Variants in NFAT5 observed in about 807,000 individuals in gnomAD.
NFAT5 encodes nuclear factor of activated T cells 5, also known as nuclear factor of activated T-cells 5.
In NFAT5, 31 loss-of-function variants were observed where a neutral mutation model predicts 166.5. The observed-to-expected ratio is 0.19, with a 90% CI of 0.14 to 0.25. NFAT5 has a LOEUF of 0.25. Ranked by LOEUF, NFAT5 falls within the 10% of genes least tolerant of loss-of-function variation. The pLI is 1.00. For missense variants in NFAT5, 1,449 were observed against 1,821.8 expected (o/e 0.80, Z 3.72); for synonymous variants, 612 against 639.7 (o/e 0.96, Z 0.65).
chr16:69,672,870 A>G (rs1390174340), intron 9 of NFAT5, among the ~76,000 whole-genome samples: 7 of 152,218 alleles, frequency 4.6e-5, no homozygotes, highest in Admixed American at 4.6e-4. Flanking sequence ...ATTGATAGAT[A>G]AGGAGACTAT....
chr16:69,648,176 CAAAA>C, intron 4 of NFAT5: 1 of 709,656 alleles, frequency 1.4e-6, no homozygotes, highest in Non-Finnish European at 1.6e-6. Flanking sequence ...AACTCCATCT[CAAAA>C]AAAAAAAAAC....
intron 10 of NFAT5, among the ~76,000 whole-genome samples, chr16:69,682,632 G>T (rs945093045): frequency 6.6e-6 from 1 of 151,860 alleles, no homozygotes; most frequent in Non-Finnish European, 1.5e-5. Flanking sequence ...AAAATAATAA[G>T]AAGAATTTAA....
intron 3 of NFAT5, 130 bp downstream of exon 3, chr16:69,626,658 T>G: frequency 1.4e-6 from 1 of 694,378 alleles, no homozygotes; most frequent in Non-Finnish European, 2.1e-6. Flanking sequence ...CATTAAAATA[T>G]GTACTTTTAA....
At position 69,590,330 on chromosome 16, in the gene NFAT5, G is replaced by A. The variant is rs917516252; in HGVS notation, c.127+21782G>A. On this transcript the variant is annotated intron_variant, in intron 2 of 14. Coordinates refer to ENST00000349945, the MANE Select transcript of NFAT5 (RefSeq NM_138713.4). ...GTTTTAGACAATTTTGCTATGGTATGCAACAAAGTTATTTCCAAATACTTT... is the reference window on the plus strand; with the variant it reads ...GTTTTAGACAATTTTGCTATGGTATACAACAAAGTTATTTCCAAATACTTT... 5.1e-4 allele frequency among the ~76,000 whole-genome samples: 77 copies of A among 152,154 alleles called. 4 individuals are homozygous for A.
rs1023944916 is a variant in NFAT5 at position 69,680,443 on chromosome 16, T to C, written c.1690+3108T>C. Among the ~76,000 whole-genome samples, 5 of 152,174 alleles carry C rather than the reference T, an allele frequency of 3.3e-5. No homozygotes were observed. In the East Asian group the frequency reaches 9.6e-4, roughly 29 times the overall value. On this transcript the variant is annotated intron_variant, in intron 10 of 14. Coordinates refer to ENST00000349945, the MANE Select transcript of NFAT5 (RefSeq NM_138713.4). ...ATCAACACTAAGAATCATCATTTCT[T>C]AGTGATAAATGCTAATTATTAGAAA... is the stretch of plus-strand genomic sequence containing the variant.
intron 10 of NFAT5, among the ~76,000 whole-genome samples, chr16:69,680,127 A>G (rs1472421204): frequency 6.6e-6 from 1 of 152,214 alleles, no homozygotes; most frequent in Non-Finnish European, 1.5e-5. Flanking sequence ...CAAAAGAAAA[A>G]GGAAAGAAAA....
At chr16:69,684,064 A>T (rs139969860) in intron 10 of NFAT5, among the ~76,000 whole-genome samples, 9,201 of 151,774 alleles carry the variant, frequency 0.061, 312 homozygotes, top group Middle Eastern at 0.11. Context: ...GCGCCATTGC[A>T]CTCCAGCCTG....
At chr16:69,618,873 A>G (rs1222708296) in intron 2 of NFAT5, among the ~76,000 whole-genome samples, 2 of 152,206 alleles carry the variant, frequency 1.3e-5, no homozygotes, top group East Asian at 3.8e-4. Context: ...TGTTGTGAGC[A>G]TTAGTTTACT....
chr16:69,664,353 C>T (rs977901113), intron 7 of NFAT5, among the ~76,000 whole-genome samples: 10 of 152,088 alleles, frequency 6.6e-5, no homozygotes, highest in African/African-American at 1.7e-4. Flanking sequence ...GTGGCGATCC[C>T]GGCTCACTGC....
At chr16:69,580,848 G>GGTT (rs1360600809) in intron 2 of NFAT5, among the ~76,000 whole-genome samples, 11 of 151,896 alleles carry the variant, frequency 7.2e-5, no homozygotes, top group Admixed American at 4.6e-4. Flanking sequence ...GTAGAGACAG[G>GGTT]GTTTCACCAT....
chr16:69,675,509 T>C (rs2036796268), intron 9 of NFAT5, among the ~76,000 whole-genome samples: 2 of 152,254 alleles, frequency 1.3e-5, no homozygotes, highest in African/African-American at 4.8e-5. Flanking sequence ...AGCTCCTGCC[T>C]TATAACTGTG....
chr16:69,571,711 G>GTTTT (rs1567508393), intron 2 of NFAT5, among the ~76,000 whole-genome samples: 3 of 142,464 alleles, frequency 2.1e-5, no homozygotes, highest in Non-Finnish European at 3.1e-5. Flanking sequence ...TTTTTTTTGG[G>GTTTT]GGGAAACAAG....
intron 2 of NFAT5, among the ~76,000 whole-genome samples, chr16:69,579,735 A>C (rs537269322): frequency 6.6e-6 from 1 of 152,328 alleles, no homozygotes; most frequent in South Asian, 2.1e-4. Context: ...AAAATGGTAA[A>C]GATGATAATA....
Position 69,653,382 on chromosome 16 carries a change from G to A in NFAT5, c.959G>A (p.Arg320His). 1.2e-6 allele frequency: 2 copies of A among 1,605,406 alleles called. No individual in the cohort carries two copies. The highest frequency in any genetic ancestry group is 2.2e-5 in the East Asian group (1 of 44,610). The change falls in exon 5 of 15, where the codon CGT becomes CAT. Residue 320 changes from arginine (R) to histidine (H), a missense_variant. Coordinates refer to ENST00000349945, the MANE Select transcript of NFAT5 (RefSeq NM_138713.4). ...HRARYLTEGS[R>H]GSVKDRTQQG... ...GCTCGGTACCTGACTGAGGGCAGCC[G>A]TGGCTCAGTGAAAGATAGAACACAG... is the stretch of plus-strand genomic sequence containing the variant.
At chr16:69,578,265 G>A (rs1321193344) in intron 2 of NFAT5, among the ~76,000 whole-genome samples, 3 of 152,116 alleles carry the variant, frequency 2.0e-5, no homozygotes, top group Non-Finnish European at 4.4e-5. Flanking sequence ...ACTGTACTCC[G>A]ATATATAGTT....
chr16:69,573,812 TG>T (rs1428043820), intron 2 of NFAT5, among the ~76,000 whole-genome samples: 1 of 151,774 alleles, frequency 6.6e-6, no homozygotes, highest in Non-Finnish European at 1.5e-5. Flanking sequence ...AATTTCAAAG[TG>T]GTAGTACAGA....
At chr16:69,604,581 T>A (rs963127456) in intron 2 of NFAT5, among the ~76,000 whole-genome samples, 3 of 152,196 alleles carry the variant, frequency 2.0e-5, no homozygotes, top group African/African-American at 2.4e-5. Flanking sequence ...AGTTCTTTTT[T>A]AAAAATTTTT....
chr16:69,659,685 A>G (rs543414578), intron 6 of NFAT5, 42 bp from the exon 7 acceptor site: 67 of 1,474,056 alleles, frequency 4.5e-5, no homozygotes, highest in African/African-American at 3.7e-4. Context: ...TATACTATTT[A>G]TACAACAAAA....
Position 69,647,900 on chromosome 16 carries a change from G to A in NFAT5, c.812+314G>A, listed in dbSNP as rs150850561. ...AAAGGACTTTTACTCAGCCAGGTGC[G>A]GTGGCTCACACCTGTAATCCCAGCA... On this transcript the variant is annotated intron_variant, in intron 4 of 14. Transcript: ENST00000349945. This position sits in a 1 kb window ranked among gnomAD's most constrained non-coding sequence, Gnocchi z 4.8. Among the ~76,000 whole-genome samples the A allele has an allele frequency of 0.018, 2,741 of 151,980 alleles. 81 individuals carry two copies. Among genetic ancestry groups the A allele is most frequent in the African/African-American group, 0.057 (2,359 of 41,486 alleles).
Sources: gnomAD v4.1 joint callset for allele counts (sites outside exome capture counted in the v4.1 genomes callset) on GRCh38, gnomAD v4.1.1 for gene constraint, Gnocchi (gnomAD v3.1) non-coding constraint, MANE v1.5 for transcripts, NCBI Gene and HGNC (gene_info 2026-07-23, HGNC 2026-07-21) for gene names.